The following ASB18 variants were observed in gnomAD, a reference collection of about 807,000 sequenced individuals.
ASB18 encodes the protein ankyrin repeat and SOCS box containing 18.
A neutral mutation model predicts 33.4 loss-of-function variants in ASB18; 33 were observed. The ratio of observed to expected loss-of-function variants is 0.99; its 90% CI spans 0.75 to 1.32. ASB18 has a LOEUF of 1.32. Among genes scored for constraint, ASB18 ranks in the 40% most tolerant of loss-of-function variants. ASB18 has a pLI of 0.00. For missense variants in ASB18, 694 were observed against 655.5 expected (o/e 1.06, Z -0.64); for synonymous variants, 295 against 307.6 (o/e 0.96, Z 0.43).
chr2:236,242,857 CA>C lies in ASB18; in HGVS notation c.206-1456del, dbSNP rs58767505. On this transcript the variant is annotated intron_variant, in intron 1 of 5. Coordinates refer to ENST00000409749, the MANE Select transcript of ASB18 (RefSeq NM_212556.4). ...GATAGCAAGGGTCCCCCCATCTCTA[CA>C]AAAAAAAAAAAATTAGCTGGGCATG... is the stretch of plus-strand genomic sequence containing the variant. Among the ~76,000 whole-genome samples the C allele has an allele frequency of 1.9e-3, 244 of 128,156 alleles. 1 individual carries two copies. Among genetic ancestry groups the C allele is most frequent in the Middle Eastern group, 4.4e-3 (1 of 228 alleles). 84.1% of individuals were successfully genotyped at this position (128,156 alleles called of 152,430 possible). A position where few individuals can be genotyped will look rare whatever the true frequency, so the allele number is the denominator to read the frequency against.
rs756906485 is a variant in ASB18 at position 236,203,433 on chromosome 2, T to G, written c.1102-7048A>C. On this transcript the variant is annotated intron_variant, in intron 4 of 5. Coordinates refer to ENST00000409749, the MANE Select transcript of ASB18 (RefSeq NM_212556.4). The surrounding 1 kb of genome is among the most constrained non-coding windows in gnomAD (Gnocchi z 6.0). Reference sequence around the variant, plus strand: ...TGTTGGCTGGGGCATGAGTCTGACATGGGGAGTGCTCGGAAATGAAACAGG... The same window carrying G: ...TGTTGGCTGGGGCATGAGTCTGACAGGGGGAGTGCTCGGAAATGAAACAGG... Among the ~76,000 whole-genome samples, 2 of 152,146 alleles carry G rather than the reference T, an allele frequency of 1.3e-5. No homozygotes were observed. The highest frequency in any genetic ancestry group is 2.9e-5 in the Non-Finnish European group (2 of 67,976).
rs1418411667 is a variant in ASB18 at position 236,241,691 on chromosome 2, G to A, written c.206-289C>T. On this transcript the variant is annotated intron_variant, in intron 1 of 5. Coordinates refer to ENST00000409749, the MANE Select transcript of ASB18 (RefSeq NM_212556.4). The surrounding 1 kb of genome is among the most constrained non-coding windows in gnomAD (Gnocchi z 4.2). ...GATAATGGTTACTTGATATGACCAG[G>A]GGCATGTGAGCACTGGGATGCCGCA... Among the ~76,000 whole-genome samples the A allele has an allele frequency of 2.0e-5, 3 of 152,080 alleles. No individual in the cohort carries two copies. Among genetic ancestry groups the A allele is most frequent in the Non-Finnish European group, 4.4e-5 (3 of 68,022 alleles).
At chr2:236,212,194 C>T (rs534118689) in intron 4 of ASB18, among the ~76,000 whole-genome samples, 141 of 152,304 alleles carry the variant, frequency 9.3e-4, no homozygotes, top group African/African-American at 3.2e-3. Flanking sequence ...CTACCCCCAA[C>T]CTGAATGGAG....
Position 236,214,416 on chromosome 2 carries a change from C to T in ASB18, c.1047G>A (p.Val349=). ...CALQASPQRT[V]QALLNHGSPT... is the part of the protein sequence containing the mutation. ...GAGAGCCGTGGTTGAGCAGCGCCTG[C>T]ACCGTGCGCTGCGGTGAGGCCTGGA... Residue 349 remains valine (V), a synonymous_variant, in exon 4 of 6, where the codon GTG becomes GTA. Coordinates refer to ENST00000409749, the MANE Select transcript of ASB18 (RefSeq NM_212556.4). This position sits in a 1 kb window ranked among gnomAD's most constrained non-coding sequence, Gnocchi z 6.5. The T allele has an allele frequency of 6.4e-7, 1 of 1,568,384 alleles. No individual in the cohort carries two copies. The highest frequency in any genetic ancestry group is 1.7e-4 in the Middle Eastern group (1 of 5,804).
chr2:236,232,536 AT>A, intron 3 of ASB18, among the ~76,000 whole-genome samples: 1 of 152,064 alleles, frequency 6.6e-6, no homozygotes, highest in East Asian at 1.9e-4. Flanking sequence ...GAGAAAAACA[AT>A]GAAACCAAAA....
In ASB18 at chr2:236,229,819, C is replaced by CA. The variant is rs1335704161; in HGVS notation, c.596+7869dup. 1.3e-5 allele frequency among the ~76,000 whole-genome samples: 2 copies of CA among 152,074 alleles called. No homozygotes were observed. The highest frequency in any genetic ancestry group is 2.1e-4 in the South Asian group (1 of 4,822). On this transcript the variant is annotated intron_variant, in intron 3 of 5. Coordinates refer to ENST00000409749, the MANE Select transcript of ASB18 (RefSeq NM_212556.4). The surrounding 1 kb of genome is among the most constrained non-coding windows in gnomAD (Gnocchi z 5.2). Reference sequence around the variant, plus strand: ...TCATGCCACTGCACTCCAGCCTGGGCAACAGAGTGAGACACCATTTAATAA... The same window carrying CA: ...TCATGCCACTGCACTCCAGCCTGGGCAAACAGAGTGAGACACCATTTAATAA...
rs768382101 is a variant in ASB18, at chr2:236,262,600, G to T, written c.205+1541C>A. On this transcript the variant is annotated intron_variant, in intron 1 of 5. Coordinates refer to ENST00000409749, the MANE Select transcript of ASB18 (RefSeq NM_212556.4). The surrounding 1 kb of genome is among the most constrained non-coding windows in gnomAD (Gnocchi z 5.2). ...TGCAGTTTGCAGAGATCAGCCTCGG[G>T]GGGGTGCTTGGGCACGGTGGGCCTA... Among the ~76,000 whole-genome samples, 4 of 152,240 alleles carry T rather than the reference G, an allele frequency of 2.6e-5. No individual in the cohort carries two copies. Among genetic ancestry groups the T allele is most frequent in the East Asian group, 1.9e-4 (1 of 5,198 alleles).
intron 1 of ASB18, among the ~76,000 whole-genome samples, chr2:236,261,844 A>G (rs555429340): frequency 8.3e-4 from 126 of 152,324 alleles, no homozygotes; most frequent in African/African-American, 3.0e-3. Flanking sequence ...CAGGCAAGAG[A>G]TAAGGAGAGC....
At position 236,228,815 on chromosome 2, in the gene ASB18, C is replaced by G. The variant is rs2060552545; in HGVS notation, c.596+8874G>C. On this transcript the variant is annotated intron_variant, in intron 3 of 5. Transcript: ENST00000409749. The surrounding 1 kb of genome is among the most constrained non-coding windows in gnomAD (Gnocchi z 5.1). ...ACCGATTGACTTCTGATTAATAAAG[C>G]TTAAAGGCAAGACCCAAAAGGATCA... Among the ~76,000 whole-genome samples the G allele has an allele frequency of 6.6e-6, 1 of 152,152 alleles. No homozygotes were observed. The highest frequency in any genetic ancestry group is 6.5e-5 in the Admixed American group (1 of 15,268).
rs1240860698 is a variant in ASB18, at chr2:236,251,687, C to T, written c.206-10285G>A. Among the ~76,000 whole-genome samples the T allele has an allele frequency of 6.6e-6, 1 of 152,042 alleles. No individual in the cohort carries two copies. Among genetic ancestry groups the T allele is most frequent in the Non-Finnish European group, 1.5e-5 (1 of 68,026 alleles). On this transcript the variant is annotated intron_variant, in intron 1 of 5. Coordinates refer to ENST00000409749, the MANE Select transcript of ASB18 (RefSeq NM_212556.4). The surrounding 1 kb of genome is among the most constrained non-coding windows in gnomAD (Gnocchi z 5.3). ...TTCCAGAATTAGAACTTTAAACTTC[C>T]AACGGAAAAACAGGAAAAAAAATGA...
chr2:236,243,278 C>T (rs539019629), intron 1 of ASB18, among the ~76,000 whole-genome samples: 19 of 144,116 alleles, frequency 1.3e-4, no homozygotes, highest in African/African-American at 4.7e-4. Flanking sequence ...TGCAGTGAGC[C>T]GAGATCGTGC....
In ASB18 at chr2:236,238,610, G is replaced by GGTGTGTGT. The variant is rs149889496; in HGVS notation, c.329-662_329-655dup. ...GGTTTGTTTCTTTGCGCTTTTTAGGGGTGTGTGTGTGTGTGTGTGTAGGGT... is the reference window on the plus strand; with the variant it reads ...GGTTTGTTTCTTTGCGCTTTTTAGGGGTGTGTGTGTGTGTGTGTGTGTGTGTGTAGGGT... On this transcript the variant is annotated intron_variant, in intron 2 of 5. Transcript: ENST00000409749. The surrounding 1 kb of genome is among the most constrained non-coding windows in gnomAD (Gnocchi z 5.2). Among the ~76,000 whole-genome samples, 27,235 of 150,222 alleles carry GGTGTGTGT rather than the reference G, an allele frequency of 0.18. 2,622 individuals are homozygous for GGTGTGTGT. The highest frequency in any genetic ancestry group is 0.25 in the South Asian group (1,198 of 4,740).
At chr2:236,202,794 A>AAT (rs35425799) in intron 4 of ASB18, among the ~76,000 whole-genome samples, 2,390 of 117,502 alleles carry the variant, frequency 0.02, 55 homozygotes, top group African/African-American at 0.024. Context: ...AAAAAAAAAA[A>AAT]ATATATATAT....
intron 3 of ASB18, among the ~76,000 whole-genome samples, chr2:236,227,361 A>G (rs1387925447): frequency 6.6e-6 from 1 of 152,262 alleles, no homozygotes; most frequent in Non-Finnish European, 1.5e-5. Context: ...TAAAAGAAAT[A>G]CAGTGATTAG....
Position 236,241,554 on chromosome 2 carries a change from G to T in ASB18, c.206-152C>A. 1.2e-6 allele frequency: 1 copy of T among 848,450 alleles called. No individual in the cohort carries two copies. Among genetic ancestry groups the T allele is most frequent in the South Asian group, 1.4e-5 (1 of 70,236 alleles). 52.6% of individuals were successfully genotyped at this position (848,450 alleles called of 1,614,324 possible). On this transcript the variant is annotated intron_variant, in intron 1 of 5. Coordinates refer to ENST00000409749, the MANE Select transcript of ASB18 (RefSeq NM_212556.4). This position sits in a 1 kb window ranked among gnomAD's most constrained non-coding sequence, Gnocchi z 4.2. ...CGTCGATTTCAGAAGAGTTCTTCAG[G>T]AACGGGAAAGATGGTCTTATGGAGT...
intron 4 of ASB18, among the ~76,000 whole-genome samples, chr2:236,201,019 A>G (rs936078574): frequency 1.3e-5 from 2 of 151,860 alleles, no homozygotes; most frequent in Non-Finnish European, 2.9e-5. Context: ...TTTTTCCTAG[A>G]GTCATAATAA....
Position 236,193,790 on chromosome 2 carries a change from CA to C in ASB18, c.*1081del, listed in dbSNP as rs199738230. ...ACAAACAAACAAACAAACAAAAAAA[CA>C]AAAAAGAAACAAGACTGATTCCTGG... On this transcript the variant is annotated 3_prime_UTR_variant, in exon 6 of 6. Transcript: ENST00000409749. This position sits in a 1 kb window ranked among gnomAD's most constrained non-coding sequence, Gnocchi z 5.0. 0.1 allele frequency among the ~76,000 whole-genome samples: 15,633 copies of C among 151,944 alleles called. 909 individuals are homozygous for C. Among genetic ancestry groups the C allele is most frequent in the Middle Eastern group, 0.22 (64 of 294 alleles).
In ASB18 at chr2:236,264,387, T is replaced by A; in HGVS notation, c.-42A>T. On this transcript the variant is annotated 5_prime_UTR_variant, in exon 1 of 6. Transcript: ENST00000409749. This position sits in a 1 kb window ranked among gnomAD's most constrained non-coding sequence, Gnocchi z 5.1. Reference sequence around the variant, plus strand: ...CAGTGACCAGCCCTTCTTTTCTTCCTCTAAAGCGACTCCAAAGTCAGCAGC... The same window carrying A: ...CAGTGACCAGCCCTTCTTTTCTTCCACTAAAGCGACTCCAAAGTCAGCAGC... 12 of 1,548,542 alleles carry A rather than the reference T, an allele frequency of 7.7e-6. No homozygotes were observed. Among genetic ancestry groups the A allele is most frequent in the Non-Finnish European group, 1.1e-5 (12 of 1,122,254 alleles).
At chr2:236,230,525 T>C (rs2060559337) in intron 3 of ASB18, among the ~76,000 whole-genome samples, 1 of 151,810 alleles carries the variant, frequency 6.6e-6, no homozygotes, top group Admixed American at 6.6e-5. Flanking sequence ...ATAATAGCAA[T>C]GTATTGCAGG....
Sources: gnomAD v4.1 joint callset for allele counts (sites outside exome capture counted in the v4.1 genomes callset) on GRCh38, gnomAD v4.1.1 for gene constraint, Gnocchi (gnomAD v3.1) non-coding constraint, MANE v1.5 for transcripts, NCBI Gene and HGNC (gene_info 2026-07-23, HGNC 2026-07-21) for gene names.